Variants in SHISA9 observed in about 807,000 individuals in gnomAD.
SHISA9 encodes the protein shisa family member 9.
A neutral mutation model predicts 38.0 loss-of-function variants in SHISA9; 13 were observed. The observed-to-expected ratio is 0.34, with a 90% CI of 0.22 to 0.54. SHISA9 has a LOEUF of 0.54. SHISA9 is among the 20% of genes least tolerant of loss of function. The pLI, the probability that SHISA9 is intolerant of heterozygous loss-of-function variation, is 0.91. For synonymous variants in SHISA9, 275 were observed against 242.0 expected, an observed-to-expected ratio of 1.14 and a Z score of -1.27; for missense variants, 538 against 575.8, an observed-to-expected ratio of 0.93 and a Z score of 0.67.
chr16:13,372,205 C>A, the SHISA9 span, among the ~76,000 whole-genome samples: 1 of 152,170 alleles, frequency 6.6e-6, no homozygotes, highest in African/African-American at 2.4e-5. Flanking sequence ...CTTTGAAAGT[C>A]TCCAGGTGGG....
At chr16:13,416,601 A>G in the SHISA9 span, among the ~76,000 whole-genome samples, 6 of 152,152 alleles carry the variant, frequency 3.9e-5, no homozygotes, top group Non-Finnish European at 5.9e-5. Flanking sequence ...AGTCCTAGCT[A>G]CTTGAGAAGC....
At chr16:13,167,074 T>C (rs1338479176) in intron 2 of SHISA9, among the ~76,000 whole-genome samples, 2 of 143,908 alleles carry the variant, frequency 1.4e-5, no homozygotes, top group Non-Finnish European at 3.1e-5. Context: ...TCTTTTTTCT[T>C]TTTTTTTTTT....
the SHISA9 span, chr16:13,246,228 C>T: frequency 3.3e-5 from 5 of 152,016 alleles, no homozygotes; most frequent in African/African-American, 9.7e-5. Context: ...GGGTGGTTTT[C>T]CCCATACTGT....
intron 2 of SHISA9, among the ~76,000 whole-genome samples, chr16:13,117,108 G>C (rs1428515681): frequency 6.6e-6 from 1 of 152,124 alleles, no homozygotes; most frequent in African/African-American, 2.4e-5. Flanking sequence ...GAGTAGCTGG[G>C]ATTACAGGCC....
chr16:13,019,948 TTTCTTTCTTTCCCTCC>T (rs2072827038), intron 2 of SHISA9, among the ~76,000 whole-genome samples: 1 of 58,468 alleles, frequency 1.7e-5, no homozygotes, highest in Non-Finnish European at 3.8e-5. Context: ...TCTTTCTTTC[TTTCTTTCTTTCCCTCC>T]TTCTTTCCTT....
chr16:13,243,689 T>C (rs1028555387), downstream of SHISA9, among the ~76,000 whole-genome samples: 1 of 151,912 alleles, frequency 6.6e-6, no homozygotes, highest in African/African-American at 2.4e-5. Context: ...TAATGAGGCA[T>C]GTCCGACCCC....
chr16:12,905,595 A>ATT (rs57837915), intron 1 of SHISA9, among the ~76,000 whole-genome samples: 38,903 of 141,700 alleles, frequency 0.27, 5,681 homozygotes, highest in South Asian at 0.46. Context: ...TTTTATTTGC[A>ATT]TTTTTTTTTT....
At chr16:13,499,433 C>T in the SHISA9 span, among the ~76,000 whole-genome samples, 285 of 152,094 alleles carry the variant, frequency 1.9e-3, no homozygotes, top group African/African-American at 6.4e-3. Context: ...TGAGAGAAAG[C>T]ATGTAACAAA....
intron 2 of SHISA9, among the ~76,000 whole-genome samples, chr16:13,089,943 C>A (rs982254224): frequency 2.6e-5 from 4 of 152,180 alleles, no homozygotes; most frequent in Non-Finnish European, 5.9e-5. Flanking sequence ...GCATTTAGTG[C>A]AATAAATTTC....
At position 12,939,301 on chromosome 16, in the gene SHISA9, C is replaced by T. The variant is rs182501338; in HGVS notation, c.691+22486C>T. 2.0e-5 allele frequency among the ~76,000 whole-genome samples: 3 copies of T among 152,310 alleles called. No individual in the cohort carries two copies. In the East Asian group the frequency reaches 5.8e-4, roughly 29 times the overall value. On this transcript the variant is annotated intron_variant, in intron 2 of 4. Transcript: ENST00000558583. ...GTTTCACCATGTTGGCCAAGCTGGT[C>T]TCAAACTCCTGACCTCAGGCAATCC...
In SHISA9 at chr16:12,925,914, T is replaced by C. The variant is rs546359190; in HGVS notation, c.691+9099T>C. Among the ~76,000 whole-genome samples, 59 of 152,262 alleles carry C rather than the reference T, an allele frequency of 3.9e-4. No homozygotes were observed. In the South Asian group the frequency reaches 6.0e-3, roughly 16 times the overall value. On this transcript the variant is annotated intron_variant, in intron 2 of 4. Transcript: ENST00000558583. ...TTATTATTATTCTTTTTAGTAGAGA[T>C]GGGGTCTCGCTATGTTGGCCAGGCT...
At chr16:13,348,018 G>C in the SHISA9 span, among the ~76,000 whole-genome samples, 1 of 152,308 alleles carries the variant, frequency 6.6e-6, no homozygotes, top group East Asian at 1.9e-4. Flanking sequence ...TCACAAGGGT[G>C]AGTGAGGCTT....
At chr16:13,032,475 A>G (rs79409159) in intron 2 of SHISA9, among the ~76,000 whole-genome samples, 5 of 152,186 alleles carry the variant, frequency 3.3e-5, no homozygotes, top group Non-Finnish European at 7.3e-5. Context: ...CTTTAAAAAA[A>G]TGTGTCACTG....
chr16:13,254,664 C>T, the SHISA9 span, among the ~76,000 whole-genome samples: 4 of 152,226 alleles, frequency 2.6e-5, no homozygotes, highest in African/African-American at 9.6e-5. Flanking sequence ...TAATCACCTC[C>T]CCCAGAACCA....
intron 2 of SHISA9, among the ~76,000 whole-genome samples, chr16:13,002,258 C>A (rs1349666363): frequency 6.6e-6 from 1 of 152,172 alleles, no homozygotes; most frequent in African/African-American, 2.4e-5. Context: ...CTGGCAGAGA[C>A]AGGCTTGTAA....
At chr16:13,103,332 C>T (rs2073896933) in intron 2 of SHISA9, among the ~76,000 whole-genome samples, 1 of 152,176 alleles carries the variant, frequency 6.6e-6, no homozygotes, top group Admixed American at 6.5e-5. Flanking sequence ...TATCTTTCTC[C>T]AGCAAGCCTG....
intron 2 of SHISA9, among the ~76,000 whole-genome samples, chr16:13,031,891 C>A: frequency 6.6e-6 from 1 of 152,146 alleles, no homozygotes; most frequent in Non-Finnish European, 1.5e-5. Context: ...CTCAAATAAA[C>A]TGAGCCACAT....
At chr16:12,999,671 C>G (rs557986070) in intron 2 of SHISA9, among the ~76,000 whole-genome samples, 5 of 152,164 alleles carry the variant, frequency 3.3e-5, no homozygotes, top group Non-Finnish European at 7.3e-5. Context: ...GTGTATCCCT[C>G]AAAAGCCTAA....
intron 2 of SHISA9, among the ~76,000 whole-genome samples, chr16:13,114,586 A>G (rs1193342805): frequency 2.0e-5 from 3 of 152,162 alleles, no homozygotes; most frequent in Non-Finnish European, 4.4e-5. Context: ...ACATGTCTTC[A>G]AATATTATTG....
Sources: gnomAD v4.1 joint callset for allele counts (sites outside exome capture counted in the v4.1 genomes callset) on GRCh38, gnomAD v4.1.1 for gene constraint, MANE v1.5 for transcripts, NCBI Gene and HGNC (gene_info 2026-07-23, HGNC 2026-07-21) for gene names.